The following HMBOX1 variants were observed in gnomAD, a reference collection of about 807,000 sequenced individuals.
HMBOX1 encodes homeobox containing 1.
Under a neutral mutation model 54.5 loss-of-function variants are expected in HMBOX1, and 14 were observed. That is an observed-to-expected ratio of 0.26 (90% CI 0.17 to 0.40). The LOEUF (loss-of-function observed/expected upper bound fraction) is 0.40. Ranked by LOEUF, HMBOX1 falls within the 10% of genes least tolerant of loss-of-function variation. The pLI, the probability that HMBOX1 is intolerant of heterozygous loss-of-function variation, is 1.00. For missense variants in HMBOX1, 332 were observed against 514.4 expected (o/e 0.65, Z 3.43); for synonymous variants, 160 against 181.0 (o/e 0.88, Z 0.93).
At chr8:28,894,293 A>ATTTATTTATTTATT (rs1811628819) in intron 1 of HMBOX1, among the ~76,000 whole-genome samples, 1 of 152,148 alleles carries the variant, frequency 6.6e-6, no homozygotes, top group African/African-American at 2.4e-5. Flanking sequence ...AAATACTTTT[A>ATTTATTTATTTATT]TGTTTATTTA....
intron 4 of HMBOX1, among the ~76,000 whole-genome samples, chr8:29,001,249 T>A (rs927742391): frequency 6.6e-6 from 1 of 152,180 alleles, no homozygotes; most frequent in Non-Finnish European, 1.5e-5. Flanking sequence ...CAAAGTTATA[T>A]TTAAAAATAA....
intron 1 of HMBOX1, among the ~76,000 whole-genome samples, chr8:28,946,275 A>G (rs1291867200): frequency 6.6e-6 from 1 of 150,892 alleles, no homozygotes; most frequent in East Asian, 2.0e-4. Flanking sequence ...TCTTAATACA[A>G]TTGTGTTGCC....
intron 5 of HMBOX1, among the ~76,000 whole-genome samples, chr8:29,015,267 T>C (rs1563584860): frequency 6.6e-6 from 1 of 152,186 alleles, no homozygotes; most frequent in East Asian, 1.9e-4. Context: ...ACCACTCTGC[T>C]TACTAAGGAG....
chr8:29,048,680 A>C, intron 8 of HMBOX1: 1 of 334,768 alleles, frequency 3.0e-6, no homozygotes, highest in Non-Finnish European at 5.6e-6. Context: ...TAGAACCCCA[A>C]GATAGGAAGA....
intron 1 of HMBOX1, among the ~76,000 whole-genome samples, chr8:28,906,250 T>C (rs1470273395): frequency 1.3e-5 from 2 of 152,220 alleles, no homozygotes; most frequent in African/African-American, 2.4e-5. Flanking sequence ...ATGTTAGCCC[T>C]TCTTTCCTGC....
chr8:29,042,463 G>A (rs1804978731), intron 6 of HMBOX1, among the ~76,000 whole-genome samples: 1 of 152,180 alleles, frequency 6.6e-6, no homozygotes, highest in African/African-American at 2.4e-5. Context: ...CAGTTTGAGG[G>A]CTTGGGGTAA....
intron 1 of HMBOX1, among the ~76,000 whole-genome samples, chr8:28,939,310 GGAAA>G (rs1468833194): frequency 6.6e-6 from 1 of 151,300 alleles, no homozygotes; most frequent in East Asian, 1.9e-4. Context: ...AAAGAAAAAA[GGAAA>G]GAACAAAACA....
At chr8:28,899,366 T>C (rs1371790018) in intron 1 of HMBOX1, among the ~76,000 whole-genome samples, 1 of 152,314 alleles carries the variant, frequency 6.6e-6, no homozygotes, top group African/African-American at 2.4e-5. Flanking sequence ...ATCATTAAGA[T>C]CTAGAGACAT....
intron 1 of HMBOX1, among the ~76,000 whole-genome samples, chr8:28,909,178 G>T (rs936147932): frequency 2.0e-5 from 3 of 151,940 alleles, no homozygotes; most frequent in Non-Finnish European, 2.9e-5. Flanking sequence ...ATTTTTTAAA[G>T]GTTAGTTTGA....
At chr8:28,937,420 G>A (rs913434376) in intron 1 of HMBOX1, among the ~76,000 whole-genome samples, 5 of 152,116 alleles carry the variant, frequency 3.3e-5, no homozygotes, top group African/African-American at 1.2e-4. Context: ...CCTTGGATCA[G>A]TTTCTGTATG....
chr8:28,904,074 C>T (rs1585671962), intron 1 of HMBOX1, among the ~76,000 whole-genome samples: 1 of 152,116 alleles, frequency 6.6e-6, no homozygotes, highest in South Asian at 2.1e-4. Flanking sequence ...CTAGGGCCAA[C>T]GCCTTTTCTT....
intron 1 of HMBOX1, among the ~76,000 whole-genome samples, chr8:28,892,067 A>G (rs1242822800): frequency 6.6e-6 from 1 of 151,976 alleles, no homozygotes; most frequent in East Asian, 1.9e-4. Context: ...TTTCTGTTGG[A>G]CATAATACCG....
intron 4 of HMBOX1, among the ~76,000 whole-genome samples, chr8:28,997,570 T>C (rs1170462490): frequency 6.6e-6 from 1 of 152,134 alleles, no homozygotes; most frequent in Non-Finnish European, 1.5e-5. Flanking sequence ...TTTTTGAGAC[T>C]GGGTCTCACT....
At position 29,038,048 on chromosome 8, in the gene HMBOX1, C is replaced by T. The variant is rs147909869; in HGVS notation, c.852-7313C>T. Reference sequence around the variant, plus strand: ...ACATGAAGGCACAGAAGAACATGTTCATTTACATGGCATTATCCCTTGCTT... The same window carrying T: ...ACATGAAGGCACAGAAGAACATGTTTATTTACATGGCATTATCCCTTGCTT... On this transcript the variant is annotated intron_variant, in intron 6 of 9. Transcript: ENST00000287701. Among the ~76,000 whole-genome samples, 559 of 152,280 alleles carry T rather than the reference C, an allele frequency of 3.7e-3. 2 individuals are homozygous for T. Among genetic ancestry groups the T allele is most frequent in the African/African-American group, 0.012 (509 of 41,556 alleles).
At chr8:29,003,109 AGTAG>A in intron 4 of HMBOX1, among the ~76,000 whole-genome samples, 1 of 151,690 alleles carries the variant, frequency 6.6e-6, no homozygotes, top group Admixed American at 6.6e-5. Flanking sequence ...TTTTTATCTA[AGTAG>A]GAGAGGAGTG....
At chr8:29,049,346 C>T in intron 9 of HMBOX1, 5 of 1,530,736 alleles carry the variant, frequency 3.3e-6, no homozygotes, top group Non-Finnish European at 4.4e-6. Flanking sequence ...CAGAGGGAGG[C>T]AGAGAAGCAG....
intron 1 of HMBOX1, among the ~76,000 whole-genome samples, chr8:28,921,701 T>C (rs1444603657): frequency 6.6e-6 from 1 of 152,188 alleles, no homozygotes; most frequent in African/African-American, 2.4e-5. Flanking sequence ...ACATATACCA[T>C]AAAACATGCT....
chr8:28,981,775 T>C (rs1415976098), intron 4 of HMBOX1, among the ~76,000 whole-genome samples: 1 of 152,172 alleles, frequency 6.6e-6, no homozygotes, highest in East Asian at 1.9e-4. Context: ...CTTGAGCATA[T>C]CTAAAGGCAT....
intron 2 of HMBOX1, among the ~76,000 whole-genome samples, chr8:28,964,246 T>C (rs1293155842): frequency 1.3e-5 from 2 of 152,138 alleles, no homozygotes; most frequent in South Asian, 2.1e-4. Flanking sequence ...ATTAGATTCC[T>C]TGTGACAAGC....
Sources: allele counts gnomAD v4.1 joint callset (sites outside exome capture counted in the v4.1 genomes callset), GRCh38; gene constraint gnomAD v4.1.1; transcripts MANE v1.5; gene names NCBI Gene and HGNC (gene_info 2026-07-23, HGNC 2026-07-21).